Variants in NPFFR2 observed in about 807,000 individuals in gnomAD.
NPFFR2 encodes the protein G-protein coupled receptor 74.
Under a neutral mutation model 13.1 loss-of-function variants are expected in NPFFR2, and 15 were observed. That is an observed-to-expected ratio of 1.15 (90% CI 0.77 to 1.76). NPFFR2 has a LOEUF of 1.76. NPFFR2 is among the 40% of genes most tolerant of loss of function. The probability of loss-of-function intolerance (pLI) is 0.00; values close to 1 mark genes in which losing one functional copy is unlikely to be tolerated. For synonymous variants in NPFFR2, 190 were observed against 175.7 expected, an observed-to-expected ratio of 1.08 and a Z score of -0.65; for missense variants, 572 against 503.5, an observed-to-expected ratio of 1.14 and a Z score of -1.30.
chr4:72,050,108 C>T (rs900524971), intron 1 of NPFFR2, among the ~76,000 whole-genome samples: 2 of 151,930 alleles, frequency 1.3e-5, no homozygotes, highest in Admixed American at 1.3e-4. Flanking sequence ...CAAATCATGC[C>T]TATGTAATGA....
intron 2 of NPFFR2, 57 bp downstream of exon 2, chr4:72,128,976 G>C (rs879240894): frequency 1.6e-6 from 2 of 1,267,046 alleles, no homozygotes; most frequent in Non-Finnish European, 1.1e-6. Flanking sequence ...CCATATTTCA[G>C]CAGCCATTGG....
chr4:72,069,064 T>G lies in NPFFR2; in HGVS notation c.-8+36864T>G, dbSNP rs549772852. ...TTATTTTGATCTTTTGAAAAAGAGA[T>G]AATACCAACACTACTTAAGCTATTC... On this transcript the variant is annotated intron_variant, in intron 1 of 3. Transcript: ENST00000308744. 37 of 663,344 alleles carry G rather than the reference T, an allele frequency of 5.6e-5. No individual in the cohort carries two copies. In the African/African-American group the frequency reaches 6.5e-4, roughly 12 times the overall value. The allele number at this position is 663,344 out of a possible 1,614,324, so 41.1% of individuals were successfully genotyped here.
chr4:72,117,860 A>G (rs903291091), intron 1 of NPFFR2, among the ~76,000 whole-genome samples: 9 of 152,222 alleles, frequency 5.9e-5, no homozygotes, highest in African/African-American at 2.2e-4. Context: ...ACATTAATGA[A>G]TAAAAAAGGA....
At chr4:72,078,867 A>T (rs1720518041) in intron 1 of NPFFR2, among the ~76,000 whole-genome samples, 1 of 152,156 alleles carries the variant, frequency 6.6e-6, no homozygotes, top group African/African-American at 2.4e-5. Context: ...CATTTATATA[A>T]CATTTTAAAA....
rs532834849 is a variant in NPFFR2 at position 72,147,085 on chromosome 4, C to T, written c.536C>T (p.Ala179Val). Residue 179 changes from alanine to valine, a missense_variant, in exon 4 of 4, where the codon GCA (alanine) becomes GTA (valine). By Grantham distance (64) the Ala-to-Val change is moderately conservative. Transcript: ENST00000308744. ...GCCATCACCATTATGTCTCCATCTG[C>T]AGTAATGTTACATGTGCAAGAAGAA... is the stretch of plus-strand genomic sequence containing the variant. Reference protein sequence around the residue: ...VLAITIMSPSAVMLHVQEEKY... With the variant: ...VLAITIMSPSVVMLHVQEEKY... The T allele has an allele frequency of 6.2e-7, 1 of 1,613,880 alleles. No individual in the cohort carries two copies. The highest frequency in any genetic ancestry group is 1.3e-5 in the African/African-American group (1 of 75,004).
chr4:72,081,370 G>A (rs1223246965), intron 1 of NPFFR2, among the ~76,000 whole-genome samples: 2 of 152,066 alleles, frequency 1.3e-5, no homozygotes, highest in Admixed American at 6.6e-5. Context: ...CTGCTGTAAT[G>A]TATAATTCCT....
intron 1 of NPFFR2, among the ~76,000 whole-genome samples, chr4:72,074,895 C>T (rs991845908): frequency 1.1e-4 from 3 of 27,578 alleles, no homozygotes; most frequent in African/African-American, 1.9e-4. Context: ...ACAACATAGA[C>T]TTTAACTTTA....
chr4:72,067,136 T>C (rs898937308), intron 1 of NPFFR2, among the ~76,000 whole-genome samples: 1 of 152,196 alleles, frequency 6.6e-6, no homozygotes, highest in African/African-American at 2.4e-5. Flanking sequence ...GGTCAAGGAC[T>C]CTGTGAGCCT....
intron 1 of NPFFR2, among the ~76,000 whole-genome samples, chr4:72,128,240 A>G (rs1188672799): frequency 7.3e-6 from 1 of 137,772 alleles, no homozygotes; most frequent in East Asian, 2.2e-4. Context: ...GTGAGTCTTG[A>G]CAGAATATGA....
intron 1 of NPFFR2, among the ~76,000 whole-genome samples, chr4:72,110,109 T>G (rs1261893168): frequency 1.3e-5 from 2 of 151,902 alleles, no homozygotes; most frequent in Admixed American, 6.6e-5. Context: ...TCCCCACAAG[T>G]CATGGGAGGT....
rs574022076 is a variant in NPFFR2 at position 72,104,518 on chromosome 4, A to G, written c.-7-24067A>G. Among the ~76,000 whole-genome samples the G allele has an allele frequency of 8.0e-4, 122 of 152,204 alleles. 1 individual carries two copies. The highest frequency in any genetic ancestry group is 1.4e-3 in the Non-Finnish European group (92 of 68,004). On this transcript the variant is annotated intron_variant, in intron 1 of 3. Coordinates refer to ENST00000308744, the MANE Select transcript of NPFFR2 (RefSeq NM_004885.3). ...TACCTAGCTTAAATACCCCGTGCCT[A>G]ATTTCCACTAACATTGTTCAAGAGT...
intron 1 of NPFFR2, among the ~76,000 whole-genome samples, chr4:72,113,635 C>G (rs2109821435): frequency 6.6e-6 from 1 of 152,204 alleles, no homozygotes; most frequent in South Asian, 2.1e-4. Context: ...TGTGCTAACA[C>G]AAAGTCTCAG....
intron 2 of NPFFR2, among the ~76,000 whole-genome samples, chr4:72,136,846 A>G (rs148094998): frequency 2.2e-4 from 34 of 152,318 alleles, no homozygotes; most frequent in Non-Finnish European, 3.8e-4. Flanking sequence ...GGATTTATAT[A>G]TAATTTCCAC....
At chr4:72,088,430 C>T (rs1053885586) in intron 1 of NPFFR2, among the ~76,000 whole-genome samples, 6 of 151,890 alleles carry the variant, frequency 4.0e-5, no homozygotes, top group Admixed American at 6.6e-5. Context: ...ATATAGCTTA[C>T]ATTTTAAAGA....
chr4:72,059,312 ATAC>A (rs1234151450), intron 1 of NPFFR2, among the ~76,000 whole-genome samples: 1 of 152,092 alleles, frequency 6.6e-6, no homozygotes, highest in East Asian at 1.9e-4. Flanking sequence ...GAGAAAATGT[ATAC>A]TACTATCTCT....
intron 1 of NPFFR2, among the ~76,000 whole-genome samples, chr4:72,106,978 A>G (rs1396803880): frequency 1.3e-5 from 2 of 151,932 alleles, no homozygotes; most frequent in East Asian, 1.9e-4. Flanking sequence ...TGCAGCTGCT[A>G]TATAAAAATA....
intron 2 of NPFFR2, among the ~76,000 whole-genome samples, chr4:72,136,427 G>T (rs1722414250): frequency 6.6e-6 from 1 of 152,100 alleles, no homozygotes; most frequent in African/African-American, 2.4e-5. Flanking sequence ...ACTAGATCTA[G>T]TTAACTGCTT....
intron 1 of NPFFR2, among the ~76,000 whole-genome samples, chr4:72,117,493 G>A (rs1044264075): frequency 2.0e-5 from 3 of 152,104 alleles, no homozygotes; most frequent in Non-Finnish European, 4.4e-5. Flanking sequence ...TACTGAATGT[G>A]CCTTTGGGCA....
chr4:72,086,895 AG>A (rs1386682959), intron 1 of NPFFR2, among the ~76,000 whole-genome samples: 1 of 152,096 alleles, frequency 6.6e-6, no homozygotes, highest in Non-Finnish European at 1.5e-5. Flanking sequence ...TATATTTCCT[AG>A]ATTACTGAAC....
Sources: gnomAD v4.1 joint callset for allele counts (sites outside exome capture counted in the v4.1 genomes callset) on GRCh38, gnomAD v4.1.1 for gene constraint, MANE v1.5 for transcripts, NCBI Gene and HGNC (gene_info 2026-07-23, HGNC 2026-07-21) for gene names.